The following NRXN1 variants were observed in gnomAD, a reference collection of about 807,000 sequenced individuals.
NRXN1 encodes the protein neurexin 1.
In NRXN1, 39 loss-of-function variants were observed where a neutral mutation model predicts 150.9. That is an observed-to-expected ratio of 0.26 (90% CI 0.20 to 0.34). The LOEUF (loss-of-function observed/expected upper bound fraction) is 0.34, where lower values mean the gene tolerates loss of function less well. Among genes scored for constraint, NRXN1 ranks in the 10% least tolerant of loss-of-function variants. NRXN1 has a pLI of 1.00. For missense variants in NRXN1, 1,815 were observed against 1,949.9 expected, an observed-to-expected ratio of 0.93 and a Z score of 1.30; for synonymous variants, 924 against 757.0, an observed-to-expected ratio of 1.22 and a Z score of -3.62.
intron 17 of NRXN1, among the ~76,000 whole-genome samples, chr2:50,281,552 C>T (rs1038999169): frequency 2.6e-5 from 4 of 151,762 alleles, no homozygotes; most frequent in Admixed American, 2.6e-4. Context: ...TATCTGGTGA[C>T]TTGACAAACA....
chr2:50,079,355 C>A (rs997192552), intron 19 of NRXN1, among the ~76,000 whole-genome samples: 2 of 151,990 alleles, frequency 1.3e-5, no homozygotes, highest in African/African-American at 4.8e-5. Context: ...TGGATCACAG[C>A]CACACCCATT....
intron 5 of NRXN1, among the ~76,000 whole-genome samples, chr2:50,887,963 A>T (rs950060775): frequency 1.8e-4 from 23 of 126,424 alleles, no homozygotes; most frequent in Non-Finnish European, 3.8e-4. Flanking sequence ...CCTTTTAAGT[A>T]AAAAAAAAAA....
intron 17 of NRXN1, among the ~76,000 whole-genome samples, chr2:50,400,749 G>C (rs2082339773): frequency 6.6e-6 from 1 of 152,182 alleles, no homozygotes; most frequent in African/African-American, 2.4e-5. Flanking sequence ...CTGAAAAAAA[G>C]TGTGCTTTGG....
chr2:50,595,194 A>T (rs1184686116), intron 8 of NRXN1, among the ~76,000 whole-genome samples: 1 of 152,058 alleles, frequency 6.6e-6, no homozygotes, highest in Non-Finnish European at 1.5e-5. Context: ...TGTGCTGAGT[A>T]TAAGACACTC....
chr2:50,983,404 C>T (rs562809392), intron 2 of NRXN1, among the ~76,000 whole-genome samples: 1 of 152,080 alleles, frequency 6.6e-6, no homozygotes, highest in East Asian at 1.9e-4. Context: ...TTTCAATGGA[C>T]ACCAGAATCA....
At chr2:50,711,230 A>G (rs1262755866) in intron 5 of NRXN1, among the ~76,000 whole-genome samples, 1 of 151,880 alleles carries the variant, frequency 6.6e-6, no homozygotes, top group African/African-American at 2.4e-5. Flanking sequence ...TTGAAAAACC[A>G]CATTCCCAGG....
At chr2:50,842,597 A>G (rs1486099906) in intron 5 of NRXN1, among the ~76,000 whole-genome samples, 1 of 152,174 alleles carries the variant, frequency 6.6e-6, no homozygotes, top group Non-Finnish European at 1.5e-5. Flanking sequence ...TATTTGCTAT[A>G]CCTGGGAACT....
chr2:50,244,395 G>A (rs2066312786), intron 17 of NRXN1, among the ~76,000 whole-genome samples: 1 of 151,846 alleles, frequency 6.6e-6, no homozygotes, highest in African/African-American at 2.4e-5. Context: ...GTTCATTGGT[G>A]TCGTATAAAA....
intron 15 of NRXN1, among the ~76,000 whole-genome samples, chr2:50,489,889 C>T (rs1035546295): frequency 2.0e-5 from 3 of 152,140 alleles, no homozygotes; most frequent in African/African-American, 7.2e-5. Flanking sequence ...CAGATAACTG[C>T]ATGGGAAGGG....
At chr2:50,981,506 A>T (rs1318233184) in intron 2 of NRXN1, among the ~76,000 whole-genome samples, 2 of 151,004 alleles carry the variant, frequency 1.3e-5, no homozygotes, top group Non-Finnish European at 3.0e-5. Context: ...ACATAGAAAC[A>T]TACCCAACTT....
chr2:50,978,301 TATATAAA>T (rs1314253851), intron 2 of NRXN1, among the ~76,000 whole-genome samples: 8 of 122,512 alleles, frequency 6.5e-5, no homozygotes, highest in Non-Finnish European at 1.2e-4. Flanking sequence ...TATATATATA[TATATAAA>T]ATATATATAT....
chr2:50,908,427 T>C (rs936954235), intron 5 of NRXN1, among the ~76,000 whole-genome samples: 20 of 151,618 alleles, frequency 1.3e-4, no homozygotes, highest in Admixed American at 4.6e-4. Context: ...TTAACAGAAG[T>C]ATTATTTCCA....
intron 18 of NRXN1, among the ~76,000 whole-genome samples, chr2:50,103,354 T>C (rs960173966): frequency 6.6e-6 from 1 of 152,038 alleles, no homozygotes; most frequent in Non-Finnish European, 1.5e-5. Flanking sequence ...TTAAGATTTA[T>C]GTCTGAAATC....
At chr2:50,744,291 C>A (rs1317885388) in intron 5 of NRXN1, among the ~76,000 whole-genome samples, 1 of 151,920 alleles carries the variant, frequency 6.6e-6, no homozygotes, top group Non-Finnish European at 1.5e-5. Context: ...CAAAGGAAAT[C>A]CCCAATGTGG....
intron 18 of NRXN1, among the ~76,000 whole-genome samples, chr2:50,169,410 TA>T (rs1220140863): frequency 6.6e-6 from 1 of 151,876 alleles, no homozygotes; most frequent in Non-Finnish European, 1.5e-5. Context: ...AAATGTTAAA[TA>T]AAAAAATATA....
At chr2:50,271,056 T>A (rs142939732) in intron 17 of NRXN1, among the ~76,000 whole-genome samples, 2 of 152,160 alleles carry the variant, frequency 1.3e-5, no homozygotes, top group Non-Finnish European at 2.9e-5. Context: ...GTTACAATGA[T>A]ATAACATAAA....
Position 50,292,833 on chromosome 2 carries a change from C to CTT in NRXN1, c.3365-55865_3365-55864dup, listed in dbSNP as rs571058933. 1.8e-3 allele frequency among the ~76,000 whole-genome samples: 279 copies of CTT among 152,220 alleles called. No homozygotes were observed. The Middle Eastern group carries it at 0.038, about 21-fold the overall frequency. The stretch of plus-strand genomic sequence containing the variant: ...TTAAACAATCTCAATAATGCCAAAT[C>CTT]TTGATTCATTATACTTGAGCTTGAT... On this transcript the variant is annotated intron_variant, in intron 17 of 22. Transcript: ENST00000401669.
At chr2:50,456,110 T>C (rs2087530320) in intron 17 of NRXN1, among the ~76,000 whole-genome samples, 1 of 152,198 alleles carries the variant, frequency 6.6e-6, no homozygotes, top group South Asian at 2.1e-4. Context: ...TTATAAGAAG[T>C]GTTCACACCT....
chr2:50,565,386 T>TA lies in NRXN1; in HGVS notation c.1321-12362dup, dbSNP rs547149672. Among the ~76,000 whole-genome samples the TA allele has an allele frequency of 9.1e-3, 1,362 of 149,756 alleles. 5 individuals carry two copies. Among genetic ancestry groups the TA allele is most frequent in the Non-Finnish European group, 0.012 (811 of 67,224 alleles). ...GATATAATCGGTTTATTCACTTCAA[T>TA]AAAAAAAAAATCATTGAATATTTTT... On this transcript the variant is annotated intron_variant, in intron 8 of 22. Transcript: ENST00000401669.
Sources: gnomAD v4.1 joint callset for allele counts (sites outside exome capture counted in the v4.1 genomes callset) on GRCh38, gnomAD v4.1.1 for gene constraint, MANE v1.5 for transcripts, NCBI Gene and HGNC (gene_info 2026-07-23, HGNC 2026-07-21) for gene names.